FEZ1: variants seen among roughly 807,000 people sequenced by gnomAD.
The protein encoded by FEZ1 is fasciculation and elongation protein zeta 1.
Under a neutral mutation model 49.3 loss-of-function variants are expected in FEZ1, and 20 were observed. That is an observed-to-expected ratio of 0.41 (90% CI 0.29 to 0.59). FEZ1 has a LOEUF of 0.59. Among genes scored for constraint, FEZ1 ranks in the 20% least tolerant of loss-of-function variants. The pLI is 0.36. For synonymous variants in FEZ1, 170 were observed against 180.9 expected, an observed-to-expected ratio of 0.94 and a Z score of 0.48; for missense variants, 413 against 476.0, an observed-to-expected ratio of 0.87 and a Z score of 1.23.
intron 2 of FEZ1, chr11:125,488,938 C>A (rs1437486168): frequency 2.0e-6 from 2 of 985,334 alleles, no homozygotes. Flanking sequence ...TCCACCTTTA[C>A]TTTGTCCAGG....
At chr11:125,478,045 ACT>A (rs1275172447) in intron 3 of FEZ1, among the ~76,000 whole-genome samples, 2 of 152,270 alleles carry the variant, frequency 1.3e-5, no homozygotes, top group Admixed American at 1.3e-4. Context: ...AAAAAATGAC[ACT>A]CTTTGCAGTC....
intron 7 of FEZ1, 111 bp from the exon 8 acceptor site, chr11:125,452,520 A>C: frequency 1.5e-6 from 1 of 685,620 alleles, no homozygotes; most frequent in Non-Finnish European, 2.7e-6. Context: ...TCTCTGAAAC[A>C]TTCATGGTCA....
intron 9 of FEZ1, among the ~76,000 whole-genome samples, chr11:125,447,934 T>C (rs1444495065): frequency 6.6e-6 from 1 of 152,236 alleles, no homozygotes; most frequent in East Asian, 1.9e-4. Context: ...GAAATAGTTA[T>C]GCATGAAAAC....
intron 3 of FEZ1, among the ~76,000 whole-genome samples, chr11:125,472,238 A>T (rs1163596277): frequency 6.6e-6 from 1 of 152,080 alleles, no homozygotes; most frequent in East Asian, 1.9e-4. Context: ...GAAGGAAGTA[A>T]TAAAGCTAAG....
At chr11:125,493,378 G>A (rs1194504236) in intron 1 of FEZ1, among the ~76,000 whole-genome samples, 1 of 38,834 alleles carries the variant, frequency 2.6e-5, no homozygotes, top group African/African-American at 1.1e-4. Context: ...AAGAAAGAAA[G>A]AAAGAAAGAA....
chr11:125,493,837 C>T (rs188108263), intron 1 of FEZ1, among the ~76,000 whole-genome samples: 1 of 152,126 alleles, frequency 6.6e-6, no homozygotes, highest in African/African-American at 2.4e-5. Flanking sequence ...GATGGTGACA[C>T]CAGTGGGGTT....
chr11:125,457,090 G>A (rs1411110434), intron 5 of FEZ1, among the ~76,000 whole-genome samples: 1 of 151,842 alleles, frequency 6.6e-6, no homozygotes, highest in Non-Finnish European at 1.5e-5. Context: ...GAGTGAGGCA[G>A]GAGAACCGCT....
At position 125,467,202 on chromosome 11, in the gene FEZ1, A is replaced by AT. The variant is rs553845682; in HGVS notation, c.412-3633dup. 1.1e-4 allele frequency among the ~76,000 whole-genome samples: 17 copies of AT among 151,692 alleles called. No homozygotes were observed. The South Asian group carries it at 1.9e-3, about 17-fold the overall frequency. On this transcript the variant is annotated intron_variant, in intron 3 of 9. Coordinates refer to ENST00000278919, the MANE Select transcript of FEZ1 (RefSeq NM_005103.5). The stretch of plus-strand genomic sequence containing the variant: ...GCAGGTGCCACCACACCTGACTAAG[A>AT]TTTTTTTTGTTTTGAATTTTTTTAG...
chr11:125,470,517 C>G (rs2135762318), intron 3 of FEZ1, among the ~76,000 whole-genome samples: 1 of 152,284 alleles, frequency 6.6e-6, no homozygotes, highest in Middle Eastern at 3.4e-3. Flanking sequence ...TCAGCCATGA[C>G]AGAGTAACTG....
chr11:125,456,266 C>T (rs572700513), intron 5 of FEZ1, 160 bp from the exon 6 acceptor site: 19 of 664,948 alleles, frequency 2.9e-5, no homozygotes, highest in Middle Eastern at 2.8e-4. Context: ...TTTACGAGCA[C>T]GCCAGGAAGG....
intron 8 of FEZ1, among the ~76,000 whole-genome samples, 197 bp from the exon 9 acceptor site, chr11:125,448,764 C>T (rs139276133): frequency 1.9e-4 from 29 of 152,194 alleles, no homozygotes; most frequent in African/African-American, 6.5e-4. Flanking sequence ...ACTACCTATC[C>T]GGTACTATGT....
At chr11:125,454,273 G>C in intron 6 of FEZ1, 63 bp from the exon 7 acceptor site, 1 of 1,300,518 alleles carries the variant, frequency 7.7e-7, no homozygotes, top group South Asian at 1.3e-5. Context: ...CACACCCAGG[G>C]ACCTCTCAGC....
intron 1 of FEZ1, among the ~76,000 whole-genome samples, chr11:125,490,795 C>T (rs1488408888): frequency 2.0e-5 from 3 of 152,160 alleles, no homozygotes; most frequent in African/African-American, 7.2e-5. Flanking sequence ...GACATAGCTT[C>T]ACTCTGTGGC....
intron 6 of FEZ1, 89 bp from the exon 7 acceptor site, chr11:125,454,299 G>A (rs1956986533): frequency 2.2e-6 from 2 of 923,214 alleles, no homozygotes; most frequent in East Asian, 2.6e-5. Flanking sequence ...GGCTGTCCCA[G>A]ATAACGCCCC....
chr11:125,452,289 G>C (rs772941155), intron 8 of FEZ1, 45 bp downstream of exon 8: 3 of 1,307,838 alleles, frequency 2.3e-6, no homozygotes, highest in East Asian at 2.3e-5. Flanking sequence ...GGCAGGAAGG[G>C]AGAAAAAGGA....
chr11:125,466,698 G>A (rs1957133642), intron 3 of FEZ1, among the ~76,000 whole-genome samples: 1 of 152,060 alleles, frequency 6.6e-6, no homozygotes, highest in Admixed American at 6.6e-5. Flanking sequence ...CTTGAAACTT[G>A]AAAAGAAATG....
In FEZ1 at chr11:125,451,933, G is replaced by A. The variant is rs542517354; in HGVS notation, c.1096+401C>T. On this transcript the variant is annotated intron_variant, in intron 8 of 9. Transcript: ENST00000278919. The stretch of plus-strand genomic sequence containing the variant: ...AAAATACAGCCAGACCCAGAGACCA[G>A]GCGCCCTGCTTCAAGGGGCACAAGT... Among the ~76,000 whole-genome samples the A allele has an allele frequency of 3.3e-5, 5 of 152,340 alleles. No individual in the cohort carries two copies. In the South Asian group the frequency reaches 8.3e-4, roughly 25 times the overall value.
chr11:125,459,623 C>A (rs1259163414), intron 5 of FEZ1, among the ~76,000 whole-genome samples: 1 of 152,086 alleles, frequency 6.6e-6, no homozygotes, highest in Admixed American at 6.6e-5. Flanking sequence ...AAAATAGTAA[C>A]AAAATAGTTT....
intron 7 of FEZ1, chr11:125,452,800 A>C: frequency 6.1e-6 from 1 of 164,792 alleles, no homozygotes; most frequent in South Asian, 1.8e-4. Flanking sequence ...GAGAACCTCA[A>C]CCCCGCCCAG....
Sources: allele counts gnomAD v4.1 joint callset (sites outside exome capture counted in the v4.1 genomes callset), GRCh38; gene constraint gnomAD v4.1.1; transcripts MANE v1.5; gene names NCBI Gene and HGNC (gene_info 2026-07-23, HGNC 2026-07-21).